The following LUC7L2 variants were observed in gnomAD, a reference collection of about 807,000 sequenced individuals.
LUC7L2 encodes the protein putative RNA-binding protein Luc7-like 2.
A neutral mutation model predicts 52.8 loss-of-function variants in LUC7L2; 25 were observed. The observed-to-expected ratio is 0.47, with a 90% CI of 0.34 to 0.66. The LOEUF (loss-of-function observed/expected upper bound fraction) is 0.66. Ranked by LOEUF, LUC7L2 falls within the 30% of genes least tolerant of loss-of-function variation. The probability of loss-of-function intolerance (pLI) is 0.01; values close to 1 mark genes in which losing one functional copy is unlikely to be tolerated. For synonymous variants in LUC7L2, 144 were observed against 160.9 expected (o/e 0.89, Z 0.80); for missense variants, 328 against 497.8 (o/e 0.66, Z 3.25).
At chr7:139,343,828 G>A (rs962268207) in intron 1 of LUC7L2, among the ~76,000 whole-genome samples, 3 of 151,430 alleles carry the variant, frequency 2.0e-5, no homozygotes, top group Non-Finnish European at 4.4e-5. Context: ...CCAGCTACTT[G>A]CGGGGCTGAG....
At chr7:139,376,317 G>A (rs537721711) in intron 2 of LUC7L2, among the ~76,000 whole-genome samples, 161 bp downstream of exon 2, 11 of 152,152 alleles carry the variant, frequency 7.2e-5, no homozygotes, top group South Asian at 2.1e-4. Context: ...TTCAGTAATG[G>A]GTTTCCTCAC....
At chr7:139,346,579 A>G (rs1224960466) in intron 1 of LUC7L2, among the ~76,000 whole-genome samples, 1 of 152,198 alleles carries the variant, frequency 6.6e-6, no homozygotes, top group Non-Finnish European at 1.5e-5. Flanking sequence ...GGGGTTCTCA[A>G]TAGTAGAGAG....
intron 1 of LUC7L2, chr7:139,341,555 C>T: frequency 6.2e-7 from 1 of 1,600,288 alleles, no homozygotes; most frequent in Non-Finnish European, 8.5e-7. Flanking sequence ...GCTCTACGTG[C>T]TGGGGAGGGA....
At chr7:139,341,301 G>C (rs559317376) in intron 1 of LUC7L2, 1 of 1,527,680 alleles carries the variant, frequency 6.5e-7, no homozygotes, top group African/African-American at 1.4e-5. Context: ...CTGTCCGACC[G>C]TACCATTAGG....
intron 1 of LUC7L2, chr7:139,341,252 GGTTC>G (rs1798938771): frequency 2.1e-6 from 3 of 1,424,086 alleles, no homozygotes; most frequent in Admixed American, 2.4e-5. Context: ...ACAAGTGAGC[GGTTC>G]CACTGCTCGT....
At chr7:139,367,080 G>T (rs764894440) in intron 1 of LUC7L2, among the ~76,000 whole-genome samples, 2 of 151,932 alleles carry the variant, frequency 1.3e-5, no homozygotes, top group African/African-American at 4.8e-5. Context: ...GAGTTCAGGC[G>T]ATTACCCTAG....
intron 4 of LUC7L2, 132 bp from the exon 5 acceptor site, chr7:139,405,512 T>G: frequency 8.6e-7 from 1 of 1,156,292 alleles, no homozygotes; most frequent in Non-Finnish European, 1.2e-6. Context: ...TCATTTGGGA[T>G]ACGCTCAGAA....
intron 1 of LUC7L2, among the ~76,000 whole-genome samples, chr7:139,354,068 A>T (rs912122956): frequency 2.1e-4 from 32 of 151,896 alleles, no homozygotes; most frequent in Admixed American, 3.9e-4. Context: ...GTGAGCCGAG[A>T]TCACGCCACT....
Position 139,420,518 on chromosome 7 carries a change from A to ATAAC in LUC7L2, c.1002-1642_1002-1639dup, listed in dbSNP as rs143107106. Among the ~76,000 whole-genome samples the ATAAC allele has an allele frequency of 9.0e-4, 137 of 152,282 alleles. No individual in the cohort carries two copies. In the East Asian group the frequency reaches 0.018, roughly 20 times the overall value. ...ACGTCCCACCTTGGCTAAGTAATTT[A>ATAAC]TAACTATCTCACCTGTCTTTCCCCA... On this transcript the variant is annotated intron_variant, in intron 9 of 9. Transcript: ENST00000354926.
intron 1 of LUC7L2, among the ~76,000 whole-genome samples, chr7:139,348,442 C>T (rs1035752674): frequency 4.0e-5 from 6 of 151,736 alleles, no homozygotes; most frequent in Admixed American, 6.6e-5. Flanking sequence ...ATATTTAGGC[C>T]GGGCACGGTG....
At chr7:139,398,246 T>C (rs937945443) in intron 2 of LUC7L2, among the ~76,000 whole-genome samples, 1 of 152,220 alleles carries the variant, frequency 6.6e-6, no homozygotes, top group East Asian at 1.9e-4. Context: ...TTGATGTATA[T>C]ATTCTTTTAG....
intron 1 of LUC7L2, among the ~76,000 whole-genome samples, chr7:139,369,933 A>G (rs1800356524): frequency 6.6e-6 from 1 of 152,218 alleles, no homozygotes; most frequent in Admixed American, 6.5e-5. Flanking sequence ...TCTGGAGGAA[A>G]GGAAAGCTGC....
intron 9 of LUC7L2, among the ~76,000 whole-genome samples, chr7:139,420,989 G>A (rs781101700): frequency 1.2e-4 from 19 of 152,054 alleles, no homozygotes; most frequent in East Asian, 3.9e-4. Flanking sequence ...AAGTAGAGAC[G>A]GGGGTTTCAC....
chr7:139,395,408 T>A (rs754221423), intron 2 of LUC7L2, among the ~76,000 whole-genome samples: 10 of 152,192 alleles, frequency 6.6e-5, no homozygotes, highest in South Asian at 4.1e-4. Flanking sequence ...ACTCCTTAGC[T>A]TGTTAAACCA....
At chr7:139,394,336 A>G (rs1309900924) in intron 2 of LUC7L2, among the ~76,000 whole-genome samples, 3 of 152,188 alleles carry the variant, frequency 2.0e-5, no homozygotes, top group Non-Finnish European at 4.4e-5. Context: ...TAGTGAGTTA[A>G]TCTTACCCCT....
chr7:139,349,021 A>ACGTTGTAG (rs113073815), intron 1 of LUC7L2, among the ~76,000 whole-genome samples: 58,432 of 151,526 alleles, frequency 0.39, 15,653 homozygotes, highest in African/African-American at 0.77. Context: ...AACTAGCCAG[A>ACGTTGTAG]CACACGCAAG....
At chr7:139,422,052 T>TA in intron 9 of LUC7L2, 111 bp from the exon 10 acceptor site, 1 of 1,439,572 alleles carries the variant, frequency 6.9e-7, no homozygotes, top group East Asian at 2.5e-5. Flanking sequence ...CTGTCATGGG[T>TA]ATATTCGTCT....
At chr7:139,385,825 T>C (rs1306290839) in intron 2 of LUC7L2, among the ~76,000 whole-genome samples, 4 of 152,262 alleles carry the variant, frequency 2.6e-5, no homozygotes, top group Non-Finnish European at 4.4e-5. Context: ...TAGTATTTCC[T>C]GGACCCTCCA....
chr7:139,351,922 A>G (rs1232087667), intron 1 of LUC7L2, among the ~76,000 whole-genome samples: 1 of 152,104 alleles, frequency 6.6e-6, no homozygotes, highest in East Asian at 1.9e-4. Flanking sequence ...ACATGTGGGG[A>G]GGTGGCTCCT....
Sources: gnomAD v4.1 joint callset for allele counts (sites outside exome capture counted in the v4.1 genomes callset) on GRCh38, gnomAD v4.1.1 for gene constraint, MANE v1.5 for transcripts, NCBI Gene and HGNC (gene_info 2026-07-23, HGNC 2026-07-21) for gene names.